BRIP1: variants seen among roughly 807,000 people sequenced by gnomAD.
BRIP1 encodes Fanconi anemia group J protein.
Under a neutral mutation model 119.7 loss-of-function variants are expected in BRIP1, and 88 were observed. The observed-to-expected ratio is 0.74, with a 90% CI of 0.62 to 0.88. The LOEUF (loss-of-function observed/expected upper bound fraction) is 0.88. Among genes scored for constraint, BRIP1 ranks in the 40% least tolerant of loss-of-function variants. The pLI is 0.00. For missense variants in BRIP1, 1,259 were observed against 1,455.4 expected (o/e 0.87, Z 2.20); for synonymous variants, 443 against 496.5 (o/e 0.89, Z 1.43).
chr17:61,808,354 TA>T lies in BRIP1; in HGVS notation c.918+112del. ...TTTAAAAGATATCAATACTAGCAGTTAATTTGATTTTCCGAAGTTGATTATC... is the reference window on the plus strand; with the variant it reads ...TTTAAAAGATATCAATACTAGCAGTTATTTGATTTTCCGAAGTTGATTATC... On this transcript the variant is annotated intron_variant, in intron 7 of 19. Transcript: ENST00000259008. This position sits in a 1 kb window ranked among gnomAD's most constrained non-coding sequence, Gnocchi z 4.1. The T allele has an allele frequency of 9.0e-7, 1 of 1,112,380 alleles. No homozygotes were observed. Among genetic ancestry groups the T allele is most frequent in the Non-Finnish European group, 1.3e-6 (1 of 755,598 alleles). 68.9% of individuals were successfully genotyped at this position (1,112,380 alleles called of 1,614,324 possible).
rs2144077642 is a variant in BRIP1, at chr17:61,683,647, T to A, written c.3399A>T (p.Thr1133=). ...TEAEDESIYF[T]PELYDPEDTD... The stretch of plus-strand genomic sequence containing the variant: ...TATCTTCAGGATCATAAAGTTCAGG[T>A]GTAAAATAGATAGATTCATCTTCTG... The change falls in exon 20 of 20, where the codon ACA becomes ACT. Residue 1133 remains threonine, a synonymous_variant. Coordinates refer to ENST00000259008, the MANE Select transcript of BRIP1 (RefSeq NM_032043.3). This position sits in a 1 kb window ranked among gnomAD's most constrained non-coding sequence, Gnocchi z 4.7. 2 of 1,612,972 alleles carry A rather than the reference T, an allele frequency of 1.2e-6. No homozygotes were observed. The highest frequency in any genetic ancestry group is 1.3e-5 in the African/African-American group (1 of 75,044).
intron 17 of BRIP1, among the ~76,000 whole-genome samples, chr17:61,707,819 C>G (rs1355855383): frequency 6.6e-6 from 1 of 151,230 alleles, no homozygotes; most frequent in African/African-American, 2.4e-5. Context: ...TGTTTTTGTA[C>G]AGCCTCCAAT....
intron 6 of BRIP1, among the ~76,000 whole-genome samples, chr17:61,833,120 A>G (rs2078516979): frequency 6.6e-6 from 1 of 152,220 alleles, no homozygotes; most frequent in Non-Finnish European, 1.5e-5. Flanking sequence ...GTATCCATGA[A>G]TGAAAACGTT....
intron 6 of BRIP1, among the ~76,000 whole-genome samples, chr17:61,830,142 C>A (rs2078469342): frequency 6.6e-6 from 1 of 151,840 alleles, no homozygotes; most frequent in South Asian, 2.1e-4. Context: ...CCACGTTGGC[C>A]AGCCTGGTCT....
At position 61,842,776 on chromosome 17, in the gene BRIP1, A is replaced by G. The variant is rs1298631289; in HGVS notation, c.627+4325T>C. 6.6e-6 allele frequency among the ~76,000 whole-genome samples: 1 copy of G among 152,194 alleles called. No individual in the cohort carries two copies. Among genetic ancestry groups the G allele is most frequent in the Non-Finnish European group, 1.5e-5 (1 of 68,032 alleles). On this transcript the variant is annotated intron_variant, in intron 6 of 19. Coordinates refer to ENST00000259008, the MANE Select transcript of BRIP1 (RefSeq NM_032043.3). This position sits in a 1 kb window ranked among gnomAD's most constrained non-coding sequence, Gnocchi z 5.1. ...GCGCTTAAACTCTAAGGTATGCCAG[A>G]TACTCTCAGCACTGTATAGATATCA...
rs1223419621 is a variant in BRIP1 at position 61,683,423 on chromosome 17, T to A, written c.3623A>T (p.Asp1208Val). The change falls in exon 20 of 20, where the codon GAC becomes GTC. Residue 1208 changes from aspartate (D) to valine (V), a missense_variant. This residue lies in a region of BRIP1 where 753 missense variants were observed against 891.8 expected (regional missense o/e 0.84). Coordinates refer to ENST00000259008, the MANE Select transcript of BRIP1 (RefSeq NM_032043.3). This position sits in a 1 kb window ranked among gnomAD's most constrained non-coding sequence, Gnocchi z 4.7. Reference protein sequence around the residue: ...ILHIEESKIDDIDGNVKTTWI... With the variant: ...ILHIEESKIDVIDGNVKTTWI... ...AGTTGTTTTTACATTACCATCAATG[T>A]CATCAATTTTACTTTCTTCAATATG... 1 of 1,613,674 alleles carries A rather than the reference T, an allele frequency of 6.2e-7. No individual in the cohort carries two copies. Among genetic ancestry groups the A allele is most frequent in the Admixed American group, 1.7e-5 (1 of 60,004 alleles).
At position 61,857,016 on chromosome 17, in the gene BRIP1, C is replaced by T. The variant is rs750675154; in HGVS notation, c.379+42G>A. 1 of 1,559,866 alleles carries T rather than the reference C, an allele frequency of 6.4e-7. No individual in the cohort carries two copies. The highest frequency in any genetic ancestry group is 8.8e-7 in the Non-Finnish European group (1 of 1,130,960). ...GCTTATAACAGTAATAATTAAGACT[C>T]TTATTACAGATATCAACTGACCCAG... On this transcript the variant is annotated intron_variant, in intron 4 of 19. Coordinates refer to ENST00000259008, the MANE Select transcript of BRIP1 (RefSeq NM_032043.3). The surrounding 1 kb of genome is among the most constrained non-coding windows in gnomAD (Gnocchi z 5.1).
rs2077061983 is a variant in BRIP1 at position 61,746,657 on chromosome 17, C to A, written c.2098-2066G>T. 6.6e-6 allele frequency among the ~76,000 whole-genome samples: 1 copy of A among 151,930 alleles called. No individual in the cohort carries two copies. The highest frequency in any genetic ancestry group is 1.5e-5 in the Non-Finnish European group (1 of 67,938). ...GGAATATTTAACAACTATAAATATA[C>A]ACACAACCAACATCAGAGCACCCAA... On this transcript the variant is annotated intron_variant, in intron 14 of 19. Coordinates refer to ENST00000259008, the MANE Select transcript of BRIP1 (RefSeq NM_032043.3). This position sits in a 1 kb window ranked among gnomAD's most constrained non-coding sequence, Gnocchi z 4.9.
intron 6 of BRIP1, among the ~76,000 whole-genome samples, chr17:61,820,237 T>C (rs560012083): frequency 8.5e-5 from 13 of 152,334 alleles, no homozygotes; most frequent in Admixed American, 7.8e-4. Context: ...CAGTCTAATA[T>C]GGCAGATTAG....
rs1372155429 is a variant in BRIP1 at position 61,709,108 on chromosome 17, C to G, written c.2492+6843G>C. 6.6e-6 allele frequency among the ~76,000 whole-genome samples: 1 copy of G among 152,138 alleles called. No individual in the cohort carries two copies. Among genetic ancestry groups the G allele is most frequent in the Non-Finnish European group, 1.5e-5 (1 of 68,032 alleles). ...TGCAACCAAGCCACCTGTTTTTAAA[C>G]CTTACTTTCATTGACATTTTAGATT... On this transcript the variant is annotated intron_variant, in intron 17 of 19. Coordinates refer to ENST00000259008, the MANE Select transcript of BRIP1 (RefSeq NM_032043.3). This position sits in a 1 kb window ranked among gnomAD's most constrained non-coding sequence, Gnocchi z 5.0.
At chr17:61,728,480 A>T (rs558101655) in intron 16 of BRIP1, among the ~76,000 whole-genome samples, 2 of 152,316 alleles carry the variant, frequency 1.3e-5, no homozygotes, top group Admixed American at 1.3e-4. Flanking sequence ...GTAGATGGAC[A>T]AATGTTAAAT....
intron 10 of BRIP1, among the ~76,000 whole-genome samples, chr17:61,788,309 T>C (rs2077764592): frequency 6.6e-6 from 1 of 152,064 alleles, no homozygotes. Flanking sequence ...AATAAAATTA[T>C]AAAATTTTAT....
rs1296238058 is a variant in BRIP1 at position 61,744,507 on chromosome 17, G to C, written c.2182C>G (p.Gln728Glu). The C allele has an allele frequency of 6.2e-7, 1 of 1,613,610 alleles. No homozygotes were observed. Among genetic ancestry groups the C allele is most frequent in the Non-Finnish European group, 8.5e-7 (1 of 1,179,722 alleles). The change falls in exon 15 of 20, where the codon CAG becomes GAG. Residue 728 changes from glutamine (Q) to glutamate (E), a missense_variant. This residue lies in a region of BRIP1 where 753 missense variants were observed against 891.8 expected (regional missense o/e 0.84). Transcript: ENST00000259008. The surrounding 1 kb of genome is among the most constrained non-coding windows in gnomAD (Gnocchi z 5.0). ...ELVKTVIVEP[Q>E]GGEKTNFDEL... ...TCAAAATTTGTTTTTTCTCCTCCCTGTGGTTCTACAATGACTGTCTTCACC... is the reference window on the plus strand; with the variant it reads ...TCAAAATTTGTTTTTTCTCCTCCCTCTGGTTCTACAATGACTGTCTTCACC...
Position 61,703,237 on chromosome 17 carries a change from T to C in BRIP1, c.2493-9725A>G, listed in dbSNP as rs1454281127. Among the ~76,000 whole-genome samples, 1 of 152,138 alleles carries C rather than the reference T, an allele frequency of 6.6e-6. No individual in the cohort carries two copies. Among genetic ancestry groups the C allele is most frequent in the Non-Finnish European group, 1.5e-5 (1 of 68,016 alleles). On this transcript the variant is annotated intron_variant, in intron 17 of 19. Transcript: ENST00000259008. This position sits in a 1 kb window ranked among gnomAD's most constrained non-coding sequence, Gnocchi z 5.0. ...CGCCACAACACCCACCTAATTTTTG[T>C]ATTTTTAGTAGAGATGGGGTTTTGC...
At position 61,804,061 on chromosome 17, in the gene BRIP1, G is replaced by A. The variant is rs1990337; in HGVS notation, c.919-2587C>T. 0.79 allele frequency among the ~76,000 whole-genome samples: 120,849 copies of A among 152,096 alleles called. 48,658 individuals carry two copies. The highest frequency in any genetic ancestry group is 0.9 in the African/African-American group (37,348 of 41,512). On this transcript the variant is annotated intron_variant, in intron 7 of 19. Transcript: ENST00000259008. The surrounding 1 kb of genome is among the most constrained non-coding windows in gnomAD (Gnocchi z 4.5). Reference sequence around the variant, plus strand: ...TGTAAATTGCTTTTTTAAAGAATATGTGCACATACATTATAGCAAATACAT... The same window carrying A: ...TGTAAATTGCTTTTTTAAAGAATATATGCACATACATTATAGCAAATACAT...
Position 61,778,928 on chromosome 17 carries a change from A to G in BRIP1, c.1935+1333T>C, listed in dbSNP as rs1291059799. Among the ~76,000 whole-genome samples, 2 of 151,544 alleles carry G rather than the reference A, an allele frequency of 1.3e-5. No individual in the cohort carries two copies. Among genetic ancestry groups the G allele is most frequent in the Admixed American group, 6.6e-5 (1 of 15,200 alleles). ...GTATATAGCTTAATAAAGAGCTAGCATTGTGTTAGGCACACAGGTGATGTT... is the reference window on the plus strand; with the variant it reads ...GTATATAGCTTAATAAAGAGCTAGCGTTGTGTTAGGCACACAGGTGATGTT... On this transcript the variant is annotated intron_variant, in intron 13 of 19. Coordinates refer to ENST00000259008, the MANE Select transcript of BRIP1 (RefSeq NM_032043.3). This position sits in a 1 kb window ranked among gnomAD's most constrained non-coding sequence, Gnocchi z 4.4.
rs2077885137 is a variant in BRIP1, at chr17:61,795,431, C to G, written c.1341-1702G>C. Among the ~76,000 whole-genome samples, 2 of 152,040 alleles carry G rather than the reference C, an allele frequency of 1.3e-5. No homozygotes were observed. The highest frequency in any genetic ancestry group is 1.9e-4 in the East Asian group (1 of 5,172). The stretch of plus-strand genomic sequence containing the variant: ...CCCTTGCCAGCCTCTGGTAAACCAT[C>G]CTTCTACTCTCTATCTCAATGGATT... On this transcript the variant is annotated intron_variant, in intron 9 of 19. Transcript: ENST00000259008. The surrounding 1 kb of genome is among the most constrained non-coding windows in gnomAD (Gnocchi z 5.6).
rs938375214 is a variant in BRIP1, at chr17:61,772,609, G to A, written c.2097+3792C>T. On this transcript the variant is annotated intron_variant, in intron 14 of 19. Transcript: ENST00000259008. ...CAAGGCGGGCAGATCATCTGAGGTC[G>A]GGAGTTCAAGACCAGCCTGACCAAC... 7.2e-5 allele frequency among the ~76,000 whole-genome samples: 11 copies of A among 151,892 alleles called. No individual in the cohort carries two copies. In the East Asian group the frequency reaches 7.8e-4, roughly 11 times the overall value.
rs2078974062 is a variant in BRIP1 at position 61,861,548 on chromosome 17, C to G, written c.-9G>C. 2 of 1,589,936 alleles carry G rather than the reference C, an allele frequency of 1.3e-6. No individual in the cohort carries two copies. Among genetic ancestry groups the G allele is most frequent in the African/African-American group, 2.7e-5 (2 of 74,376 alleles). On this transcript the variant is annotated 5_prime_UTR_variant, in exon 2 of 20. Transcript: ENST00000259008. This position sits in a 1 kb window ranked among gnomAD's most constrained non-coding sequence, Gnocchi z 4.5. ...GACCACATTGAAGACATAGTGCTTT[C>G]CTGTTTATTTCAGATTCCTAACTAC...
Sources: gnomAD v4.1 joint callset for allele counts (sites outside exome capture counted in the v4.1 genomes callset) on GRCh38, gnomAD v4.1.1 for gene constraint, gnomAD v4.1.1 regional missense constraint, Gnocchi (gnomAD v3.1) non-coding constraint, MANE v1.5 for transcripts, NCBI Gene and HGNC (gene_info 2026-07-23, HGNC 2026-07-21) for gene names.